Variants in PRR16 observed in about 807,000 individuals in gnomAD.
The protein encoded by PRR16 is proline rich 16, also known as protein Largen.
In PRR16, 6 loss-of-function variants were observed where a neutral mutation model predicts 18.2. The observed-to-expected ratio is 0.33, with a 90% CI of 0.18 to 0.65. The LOEUF (loss-of-function observed/expected upper bound fraction) is 0.65. Ranked by LOEUF, PRR16 falls within the 30% of genes least tolerant of loss-of-function variation. The probability of loss-of-function intolerance (pLI) is 0.74; values close to 1 mark genes in which losing one functional copy is unlikely to be tolerated. For synonymous variants in PRR16, 151 were observed against 147.8 expected (o/e 1.02, Z -0.16); for missense variants, 412 against 376.6 (o/e 1.09, Z -0.78).
chr5:120,790,056 G>A, the PRR16 span: 3 of 152,092 alleles, frequency 2.0e-5, no homozygotes, highest in Non-Finnish European at 4.4e-5. Flanking sequence ...TAATTCTAAA[G>A]TAACCAGAAG....
the PRR16 span, among the ~76,000 whole-genome samples, chr5:120,745,860 G>T: frequency 1.5e-5 from 2 of 129,732 alleles, no homozygotes; most frequent in African/African-American, 6.4e-5. Context: ...CACCACGCCC[G>T]GGTAATTTTT....
chr5:120,784,316 A>G, the PRR16 span, among the ~76,000 whole-genome samples: 105 of 152,296 alleles, frequency 6.9e-4, no homozygotes, highest in African/African-American at 2.3e-3. Context: ...ACCAATTTAC[A>G]TTCCTACCAA....
intron 1 of PRR16, among the ~76,000 whole-genome samples, chr5:120,533,096 G>A (rs982903226): frequency 6.6e-6 from 1 of 152,206 alleles, no homozygotes; most frequent in African/African-American, 2.4e-5. Flanking sequence ...GTGTCAGATA[G>A]AAGATAATAG....
the PRR16 span, among the ~76,000 whole-genome samples, chr5:120,743,925 A>G: frequency 0.1 from 15,809 of 152,026 alleles, 1,032 homozygotes; most frequent in African/African-American, 0.18. Context: ...TTATGCATCT[A>G]ATATATGTAA....
chr5:120,766,266 C>T, the PRR16 span, among the ~76,000 whole-genome samples: 1 of 151,956 alleles, frequency 6.6e-6, no homozygotes, highest in South Asian at 2.1e-4. Flanking sequence ...CAAAACTAGT[C>T]ATTGCCTGCT....
At chr5:120,594,303 A>G (rs182204383) in intron 1 of PRR16, among the ~76,000 whole-genome samples, 51 of 152,130 alleles carry the variant, frequency 3.4e-4, no homozygotes, top group Middle Eastern at 3.4e-3. Flanking sequence ...GCATTCCTAT[A>G]CAGCAACAAC....
At chr5:120,593,479 T>C (rs978794182) in intron 1 of PRR16, among the ~76,000 whole-genome samples, 2 of 151,298 alleles carry the variant, frequency 1.3e-5, no homozygotes, top group Admixed American at 6.6e-5. Context: ...AATAGATCAG[T>C]AATGAGCTCC....
chr5:120,528,944 G>C (rs1580689973), intron 1 of PRR16, among the ~76,000 whole-genome samples: 1 of 152,160 alleles, frequency 6.6e-6, no homozygotes, highest in African/African-American at 2.4e-5. Flanking sequence ...GTTTGGCTTA[G>C]CCTGCCACAG....
rs1266280064 is a variant in PRR16 at position 120,647,285 on chromosome 5, A to G, written c.160-38669A>G. On this transcript the variant is annotated intron_variant, in intron 1 of 1. Transcript: ENST00000407149. ...GTCTTGGCTTTAACCATATATTTGTAGAACAGAAAAGGGTATTATGATGTC... is the reference window on the plus strand; with the variant it reads ...GTCTTGGCTTTAACCATATATTTGTGGAACAGAAAAGGGTATTATGATGTC... 2.6e-5 allele frequency among the ~76,000 whole-genome samples: 4 copies of G among 152,112 alleles called. No individual in the cohort carries two copies. In the East Asian group the frequency reaches 5.8e-4, roughly 22 times the overall value.
At chr5:120,760,930 G>C in the PRR16 span, among the ~76,000 whole-genome samples, 1 of 151,940 alleles carries the variant, frequency 6.6e-6, no homozygotes, top group Non-Finnish European at 1.5e-5. Flanking sequence ...TTTGTATCCT[G>C]AGATTACCTC....
At chr5:120,562,280 T>C (rs892917792) in intron 1 of PRR16, among the ~76,000 whole-genome samples, 3 of 152,312 alleles carry the variant, frequency 2.0e-5, no homozygotes, top group East Asian at 1.9e-4. Flanking sequence ...CTATTTTTTC[T>C]GATATAAGTA....
intron 1 of PRR16, among the ~76,000 whole-genome samples, chr5:120,664,474 T>C (rs908074275): frequency 3.3e-5 from 5 of 151,396 alleles, no homozygotes; most frequent in African/African-American, 1.2e-4. Flanking sequence ...TTTATTATTA[T>C]ACTTTAAGTT....
At chr5:120,626,833 G>A (rs935927635) in intron 1 of PRR16, among the ~76,000 whole-genome samples, 14 of 151,988 alleles carry the variant, frequency 9.2e-5, no homozygotes, top group African/African-American at 3.4e-4. Context: ...CAATAAAATA[G>A]GAATCTTATT....
At chr5:120,763,941 G>T in the PRR16 span, among the ~76,000 whole-genome samples, 1 of 151,946 alleles carries the variant, frequency 6.6e-6, no homozygotes, top group South Asian at 2.1e-4. Context: ...TGCTTATCAG[G>T]TCTCAGAGAT....
chr5:120,718,876 A>C, the PRR16 span, among the ~76,000 whole-genome samples: 1 of 152,074 alleles, frequency 6.6e-6, no homozygotes, highest in Admixed American at 6.6e-5. Flanking sequence ...AAAGATTGTA[A>C]CCATTACCAC....
the PRR16 span, among the ~76,000 whole-genome samples, chr5:120,736,918 T>C: frequency 8.6e-5 from 13 of 150,520 alleles, no homozygotes; most frequent in Non-Finnish European, 1.6e-4. Context: ...AACAACTAAT[T>C]TTTGTGTATT....
At chr5:120,539,975 C>G (rs892416344) in intron 1 of PRR16, among the ~76,000 whole-genome samples, 1 of 152,014 alleles carries the variant, frequency 6.6e-6, no homozygotes, top group African/African-American at 2.4e-5. Flanking sequence ...ATGCCTGGCA[C>G]TTTTAAAGCC....
chr5:120,654,089 A>G (rs1174261212), intron 1 of PRR16, among the ~76,000 whole-genome samples: 4 of 152,102 alleles, frequency 2.6e-5, no homozygotes, highest in Non-Finnish European at 5.9e-5. Context: ...GACCCAGCCA[A>G]TAGAGTTTAA....
At chr5:120,571,983 C>G (rs1209428841) in intron 1 of PRR16, among the ~76,000 whole-genome samples, 1 of 152,262 alleles carries the variant, frequency 6.6e-6, no homozygotes, top group Non-Finnish European at 1.5e-5. Context: ...GACCTCCCAA[C>G]ATGGGCTTCC....
Sources: gnomAD v4.1 joint callset for allele counts (sites outside exome capture counted in the v4.1 genomes callset) on GRCh38, gnomAD v4.1.1 for gene constraint, MANE v1.5 for transcripts, NCBI Gene and HGNC (gene_info 2026-07-23, HGNC 2026-07-21) for gene names.